TMCC1: variants seen among roughly 807,000 people sequenced by gnomAD.
TMCC1 encodes the protein transmembrane and coiled-coil domain family 1.
Under a neutral mutation model 52.4 loss-of-function variants are expected in TMCC1, and 15 were observed. The ratio of observed to expected loss-of-function variants is 0.29; its 90% CI spans 0.19 to 0.44. The LOEUF is 0.44. Among genes scored for constraint, TMCC1 ranks in the 20% least tolerant of loss-of-function variants. The pLI, the probability that TMCC1 is intolerant of heterozygous loss-of-function variation, is 1.00. For missense variants in TMCC1, 503 were observed against 806.0 expected, an observed-to-expected ratio of 0.62 and a Z score of 4.55; for synonymous variants, 279 against 301.9, an observed-to-expected ratio of 0.92 and a Z score of 0.79.
chr3:129,712,001 C>A (rs1296880597), intron 4 of TMCC1, among the ~76,000 whole-genome samples: 53 of 47,714 alleles, frequency 1.1e-3, no homozygotes, highest in South Asian at 2.7e-3. Flanking sequence ...GACTCTGTCT[C>A]AAAAAAAAAA....
intron 4 of TMCC1, among the ~76,000 whole-genome samples, chr3:129,768,124 G>A (rs1486999331): frequency 6.6e-6 from 1 of 152,296 alleles, no homozygotes; most frequent in African/African-American, 2.4e-5. Flanking sequence ...GGGAGGTGGA[G>A]GCTGCAGTGA....
At chr3:129,668,178 ACT>A (rs1233418287) in intron 5 of TMCC1, among the ~76,000 whole-genome samples, 1 of 152,128 alleles carries the variant, frequency 6.6e-6, no homozygotes, top group East Asian at 1.9e-4. Context: ...ATAAAGTGAG[ACT>A]CTGTCTCAAA....
chr3:129,808,303 T>A (rs769440084), intron 4 of TMCC1, among the ~76,000 whole-genome samples: 4 of 151,996 alleles, frequency 2.6e-5, no homozygotes, highest in Non-Finnish European at 5.9e-5. Context: ...GCCAACATGG[T>A]GAAACCTCGT....
chr3:129,729,851 T>C (rs111546940), intron 4 of TMCC1, among the ~76,000 whole-genome samples: 2,182 of 152,206 alleles, frequency 0.014, 16 homozygotes, highest in South Asian at 0.025. Flanking sequence ...GGCTCATGCC[T>C]GTAATCCCAG....
intron 4 of TMCC1, among the ~76,000 whole-genome samples, chr3:129,678,020 G>A (rs151122588): frequency 4.6e-5 from 7 of 152,184 alleles, no homozygotes; most frequent in East Asian, 1.9e-4. Context: ...TCTGCCTCCT[G>A]GGTTCAAGCG....
chr3:129,806,901 TAAGA>T (rs1180669231), intron 4 of TMCC1, among the ~76,000 whole-genome samples: 2 of 148,446 alleles, frequency 1.3e-5, no homozygotes, highest in Admixed American at 6.7e-5. Context: ...AGAGAGAAAA[TAAGA>T]AAGAACAAAG....
intron 4 of TMCC1, among the ~76,000 whole-genome samples, chr3:129,720,524 C>T (rs200498044): frequency 6.6e-6 from 1 of 152,170 alleles, no homozygotes; most frequent in East Asian, 1.9e-4. Context: ...ACAGCCAGTA[C>T]CTACTACCAG....
At chr3:129,708,184 T>C (rs192536560) in intron 4 of TMCC1, among the ~76,000 whole-genome samples, 119 of 152,342 alleles carry the variant, frequency 7.8e-4, no homozygotes, top group African/African-American at 2.8e-3. Flanking sequence ...ATTTCATTCA[T>C]TCTTTCCAAC....
chr3:129,848,660 A>C (rs1176934341), intron 2 of TMCC1, among the ~76,000 whole-genome samples: 1 of 152,212 alleles, frequency 6.6e-6, no homozygotes, highest in Non-Finnish European at 1.5e-5. Flanking sequence ...TTGAAAGTAC[A>C]AGAAAATACA....
intron 4 of TMCC1, among the ~76,000 whole-genome samples, chr3:129,810,835 G>C (rs556033214): frequency 2.4e-4 from 36 of 152,304 alleles, no homozygotes; most frequent in African/African-American, 6.5e-4. Flanking sequence ...CTATGGAGCA[G>C]AAAACCTGGA....
Position 129,724,505 on chromosome 3 carries a change from G to T in TMCC1, c.577-53241C>A, listed in dbSNP as rs918879841. ...AAACCACCTCTGTGACTTTACTATG[G>T]AACAGGGAGAATATTCTGGAAATAC... On this transcript the variant is annotated intron_variant, in intron 4 of 6. Coordinates refer to ENST00000393238, the MANE Select transcript of TMCC1 (RefSeq NM_001017395.5). 2.6e-5 allele frequency among the ~76,000 whole-genome samples: 4 copies of T among 152,286 alleles called. No individual in the cohort carries two copies. In the Middle Eastern group the frequency reaches 0.01, roughly 388 times the overall value.
At position 129,650,054 on chromosome 3, in the gene TMCC1, T is replaced by A. The variant is rs2086232406; in HGVS notation, c.*1427A>T. The A allele has an allele frequency of 6.6e-6, 1 of 152,590 alleles. No individual in the cohort carries two copies. Among genetic ancestry groups the A allele is most frequent in the Admixed American group, 6.5e-5 (1 of 15,274 alleles). 9.5% of individuals were successfully genotyped at this position (152,590 alleles called of 1,614,324 possible). Reference sequence around the variant, plus strand: ...TTTCCTTCACTGCTCTTTAGGAGAATCACCTTTGGTTGATTCTCTTAGGCA... The same window carrying A: ...TTTCCTTCACTGCTCTTTAGGAGAAACACCTTTGGTTGATTCTCTTAGGCA... On this transcript the variant is annotated 3_prime_UTR_variant, in exon 7 of 7. Transcript: ENST00000393238.
At chr3:129,779,421 T>C (rs1217974303) in intron 4 of TMCC1, among the ~76,000 whole-genome samples, 1 of 152,216 alleles carries the variant, frequency 6.6e-6, no homozygotes, top group East Asian at 1.9e-4. Context: ...ATTCTCATCA[T>C]CTGTATTTAC....
intron 4 of TMCC1, among the ~76,000 whole-genome samples, chr3:129,782,683 A>T (rs2055631517): frequency 6.6e-6 from 1 of 152,180 alleles, no homozygotes. Flanking sequence ...AAGGGGTTGG[A>T]GGAAAGAGAG....
chr3:129,852,831 T>C (rs2059976981), intron 2 of TMCC1, among the ~76,000 whole-genome samples: 2 of 152,216 alleles, frequency 1.3e-5, no homozygotes, highest in African/African-American at 4.8e-5. Context: ...TTTCTGTCGA[T>C]GTTGACTCTA....
chr3:129,779,754 T>C (rs566561115), intron 4 of TMCC1, among the ~76,000 whole-genome samples: 1 of 152,304 alleles, frequency 6.6e-6, no homozygotes, highest in East Asian at 1.9e-4. Context: ...CAGTAAAGCA[T>C]TACTCTTTTT....
At chr3:129,672,587 G>A (rs1451296187) in intron 4 of TMCC1, among the ~76,000 whole-genome samples, 3 of 152,020 alleles carry the variant, frequency 2.0e-5, no homozygotes, top group East Asian at 1.9e-4. Context: ...GTGACAGAGC[G>A]AGACCCTGTC....
intron 4 of TMCC1, among the ~76,000 whole-genome samples, chr3:129,705,058 C>A (rs1012431538): frequency 6.6e-6 from 1 of 152,130 alleles, no homozygotes; most frequent in Non-Finnish European, 1.5e-5. Context: ...CCCTTTAGAT[C>A]CTAATTTAGA....
chr3:129,660,209 G>A (rs1340491390), intron 5 of TMCC1, among the ~76,000 whole-genome samples: 1 of 152,228 alleles, frequency 6.6e-6, no homozygotes, highest in Non-Finnish European at 1.5e-5. Context: ...GTGCAGTGGC[G>A]TGATCGTGGC....
Sources: gnomAD v4.1 joint callset for allele counts (sites outside exome capture counted in the v4.1 genomes callset) on GRCh38, gnomAD v4.1.1 for gene constraint, MANE v1.5 for transcripts, NCBI Gene and HGNC (gene_info 2026-07-23, HGNC 2026-07-21) for gene names.